Variants in SPAG16 observed in about 807,000 individuals in gnomAD.
SPAG16 encodes the protein sperm associated antigen 16.
A neutral mutation model predicts 80.4 loss-of-function variants in SPAG16; 86 were observed. The ratio of observed to expected loss-of-function variants is 1.07; its 90% CI spans 0.90 to 1.28. The LOEUF is 1.28. Ranked by LOEUF, SPAG16 falls within the 50% of genes most tolerant of loss-of-function variation. The pLI, the probability that SPAG16 is intolerant of heterozygous loss-of-function variation, is 0.00. For synonymous variants in SPAG16, 294 were observed against 265.9 expected, an observed-to-expected ratio of 1.11 and a Z score of -1.03; for missense variants, 870 against 765.3, an observed-to-expected ratio of 1.14 and a Z score of -1.61.
intron 11 of SPAG16, among the ~76,000 whole-genome samples, chr2:213,865,630 A>G (rs879644012): frequency 6.3e-4 from 94 of 149,622 alleles, no homozygotes; most frequent in Non-Finnish European, 1.1e-3. Context: ...AAAAGGATGT[A>G]TATTTATGTA....
intron 10 of SPAG16, among the ~76,000 whole-genome samples, chr2:213,716,018 G>T (rs1464026555): frequency 6.6e-6 from 1 of 151,808 alleles, no homozygotes; most frequent in African/African-American, 2.4e-5. Flanking sequence ...TCATCTATTT[G>T]TTTAAGGCCT....
At chr2:213,509,277 A>G (rs1271665502) in intron 10 of SPAG16, among the ~76,000 whole-genome samples, 1 of 152,034 alleles carries the variant, frequency 6.6e-6, no homozygotes, top group African/African-American at 2.4e-5. Context: ...ATTTCTATAC[A>G]ATATTTTCTA....
At chr2:213,977,520 A>G (rs554899571) in intron 12 of SPAG16, among the ~76,000 whole-genome samples, 2 of 152,202 alleles carry the variant, frequency 1.3e-5, no homozygotes, top group Admixed American at 6.5e-5. Flanking sequence ...AATAAAAGGC[A>G]CAAAGGAGAC....
chr2:214,196,861 C>T (rs966036216), intron 15 of SPAG16, among the ~76,000 whole-genome samples: 2 of 151,998 alleles, frequency 1.3e-5, no homozygotes, highest in African/African-American at 2.4e-5. Context: ...ATCAAAACCA[C>T]AGAGCCTACA....
At chr2:214,260,962 C>G (rs1406461873) in intron 15 of SPAG16, among the ~76,000 whole-genome samples, 1 of 151,752 alleles carries the variant, frequency 6.6e-6, no homozygotes, top group African/African-American at 2.4e-5. Flanking sequence ...CAAAAATTAG[C>G]CGGGCGTGGT....
At chr2:214,201,852 A>G (rs1265773417) in intron 15 of SPAG16, among the ~76,000 whole-genome samples, 1 of 150,392 alleles carries the variant, frequency 6.6e-6, no homozygotes, top group Non-Finnish European at 1.5e-5. Flanking sequence ...TTATTTATTT[A>G]TTTTTATTTT....
chr2:214,072,749 C>T (rs1176650413), intron 13 of SPAG16, among the ~76,000 whole-genome samples: 1 of 151,900 alleles, frequency 6.6e-6, no homozygotes, highest in Non-Finnish European at 1.5e-5. Context: ...AAGTAGAAGA[C>T]AATATATTTT....
At chr2:213,741,511 T>C (rs956033176) in intron 10 of SPAG16, among the ~76,000 whole-genome samples, 5 of 152,200 alleles carry the variant, frequency 3.3e-5, no homozygotes, top group African/African-American at 1.2e-4. Flanking sequence ...CTGAGTAAAA[T>C]AAAATGATAC....
intron 15 of SPAG16, among the ~76,000 whole-genome samples, chr2:214,257,931 G>A (rs1013258491): frequency 6.6e-6 from 1 of 151,890 alleles, no homozygotes; most frequent in Non-Finnish European, 1.5e-5. Context: ...AACCATATGG[G>A]CGTATAGTTT....
At chr2:214,357,334 A>C (rs1415729540) in intron 15 of SPAG16, among the ~76,000 whole-genome samples, 1 of 151,944 alleles carries the variant, frequency 6.6e-6, no homozygotes, top group Non-Finnish European at 1.5e-5. Context: ...AATGCCAATG[A>C]GAAATATCTT....
In SPAG16 at chr2:214,333,739, A is replaced by T. The variant is rs181573593; in HGVS notation, c.1721-76401A>T. ...CAGACTGGGTATTGGAGCTCCAGAG[A>T]AGGTGGAATCCTCAGTCTTTAGAAA... On this transcript the variant is annotated intron_variant, in intron 15 of 15. Coordinates refer to ENST00000331683, the MANE Select transcript of SPAG16 (RefSeq NM_024532.5). Among the ~76,000 whole-genome samples the T allele has an allele frequency of 1.2e-4, 19 of 152,318 alleles. 2 individuals are homozygous for T. Among genetic ancestry groups the T allele is most frequent in the Admixed American group, 1.2e-3 (19 of 15,298 alleles).
Position 213,833,465 on chromosome 2 carries a change from TTATA to T in SPAG16, c.1071-29015_1071-29012del, listed in dbSNP as rs202169618. 9.3e-4 allele frequency among the ~76,000 whole-genome samples: 9 copies of T among 9,726 alleles called. 2 individuals are homozygous for T. Among genetic ancestry groups the T allele is most frequent in the Admixed American group, 2.4e-3 (1 of 414 alleles). 6.4% of individuals were successfully genotyped at this position (9,726 alleles called of 152,430 possible). On this transcript the variant is annotated intron_variant, in intron 10 of 15. Coordinates refer to ENST00000331683, the MANE Select transcript of SPAG16 (RefSeq NM_024532.5). ...TGTATATATATATATTATATATATATTATATATAATAATATATATATTATATATA... is the reference window on the plus strand; with the variant it reads ...TGTATATATATATATTATATATATATTATAATAATATATATATTATATATA...
intron 15 of SPAG16, among the ~76,000 whole-genome samples, chr2:214,246,307 A>G (rs1223916646): frequency 1.3e-5 from 2 of 152,146 alleles, no homozygotes; most frequent in Non-Finnish European, 2.9e-5. Context: ...TGGCAGTAGC[A>G]ATATTTCTCA....
chr2:213,641,140 T>A (rs1243031191), intron 10 of SPAG16, among the ~76,000 whole-genome samples: 1 of 152,106 alleles, frequency 6.6e-6, no homozygotes, highest in Non-Finnish European at 1.5e-5. Context: ...GTGGGGGTTG[T>A]TCTCAAGCCA....
chr2:213,702,649 C>T (rs2065517555), intron 10 of SPAG16, among the ~76,000 whole-genome samples: 1 of 152,122 alleles, frequency 6.6e-6, no homozygotes. Flanking sequence ...ATGATACTTC[C>T]AATATACAAC....
At chr2:213,608,489 C>A (rs1207782345) in intron 10 of SPAG16, among the ~76,000 whole-genome samples, 3 of 152,198 alleles carry the variant, frequency 2.0e-5, no homozygotes, top group African/African-American at 7.2e-5. Flanking sequence ...CATGTCCCTA[C>A]AAAGGACATG....
intron 13 of SPAG16, among the ~76,000 whole-genome samples, chr2:214,083,989 T>C (rs993491848): frequency 2.6e-5 from 4 of 152,192 alleles, no homozygotes; most frequent in Non-Finnish European, 5.9e-5. Context: ...AAAGCTCTTA[T>C]ACTAAATCCA....
chr2:213,607,559 G>A (rs987130704), intron 10 of SPAG16, among the ~76,000 whole-genome samples: 4 of 152,198 alleles, frequency 2.6e-5, no homozygotes, highest in African/African-American at 9.6e-5. Context: ...GAGAGTGCTA[G>A]TAGGTATTAT....
At chr2:213,560,335 C>T (rs904166737) in intron 10 of SPAG16, among the ~76,000 whole-genome samples, 2 of 151,996 alleles carry the variant, frequency 1.3e-5, no homozygotes, top group African/African-American at 4.8e-5. Context: ...CTTGAACTAA[C>T]AAAAGTCACA....
Sources: allele counts gnomAD v4.1 joint callset (sites outside exome capture counted in the v4.1 genomes callset), GRCh38; gene constraint gnomAD v4.1.1; transcripts MANE v1.5; gene names NCBI Gene and HGNC (gene_info 2026-07-23, HGNC 2026-07-21).